Variants in SLCO1A2 observed in about 807,000 individuals in gnomAD.
SLCO1A2 encodes the protein solute carrier organic anion transporter family member 1A2.
Under a neutral mutation model 69.0 loss-of-function variants are expected in SLCO1A2, and 67 were observed. The ratio of observed to expected loss-of-function variants is 0.97; its 90% confidence interval spans 0.80 to 1.19. The LOEUF (loss-of-function observed/expected upper bound fraction) is 1.19, where lower values mean the gene tolerates loss of function less well. Among genes scored for constraint, SLCO1A2 ranks in the 50% most tolerant of loss-of-function variants. The pLI, the probability that SLCO1A2 is intolerant of heterozygous loss-of-function variation, is 0.00. For missense variants in SLCO1A2, 787 were observed against 793.7 expected, an observed-to-expected ratio of 0.99 and a Z score of 0.10; for synonymous variants, 260 against 265.9, an observed-to-expected ratio of 0.98 and a Z score of 0.22.
intron 4 of SLCO1A2, among the ~76,000 whole-genome samples, chr12:21,309,183 G>A (rs531714943): frequency 3.3e-5 from 5 of 152,086 alleles, no homozygotes; most frequent in African/African-American, 1.2e-4. Context: ...CAAAAAAGTA[G>A]GGATAAAAGA....
Position 21,267,038 on chromosome 12 carries a change from C to G in SLCO1A2, c.*2510G>C, listed in dbSNP as rs1439974901. 1 of 152,028 alleles carries G rather than the reference C, an allele frequency of 6.6e-6. No individual in the cohort carries two copies. Among genetic ancestry groups the G allele is most frequent in the African/African-American group, 2.4e-5 (1 of 41,378 alleles). 9.4% of individuals were successfully genotyped at this position (152,028 alleles called of 1,614,324 possible). A position where few individuals can be genotyped will look rare whatever the true frequency, so the allele number is the denominator to read the frequency against. On this transcript the variant is annotated 3_prime_UTR_variant, in exon 15 of 15. Transcript: ENST00000683939. ...TGTCCGCTATGCCATTATCTCTACC[C>G]TCATGAGAGTAGTACAAGTGCTCAG...
intron 8 of SLCO1A2, among the ~76,000 whole-genome samples, chr12:21,298,966 G>T (rs1948165655): frequency 1.3e-5 from 2 of 151,944 alleles, no homozygotes; most frequent in African/African-American, 4.8e-5. Flanking sequence ...GTAACTTATG[G>T]GTGATGATAG....
At chr12:21,373,462 A>G in intron 2 of SLCO1A2, 2 of 1,469,452 alleles carry the variant, frequency 1.4e-6, no homozygotes, top group Non-Finnish European at 1.9e-6. Context: ...GTTTCTTTGT[A>G]ACTTTTGTAA....
At chr12:21,289,374 G>A (rs1357797257) in intron 12 of SLCO1A2, among the ~76,000 whole-genome samples, 1 of 152,124 alleles carries the variant, frequency 6.6e-6, no homozygotes, top group Admixed American at 6.6e-5. Flanking sequence ...TGAGTCTATA[G>A]TAATGAGACG....
At chr12:21,369,458 C>T (rs1939627346) in intron 2 of SLCO1A2, among the ~76,000 whole-genome samples, 1 of 152,216 alleles carries the variant, frequency 6.6e-6, no homozygotes, top group Non-Finnish European at 1.5e-5. Context: ...TTGTCTTTCA[C>T]TCTGCACTTA....
intron 1 of SLCO1A2, among the ~76,000 whole-genome samples, chr12:21,384,165 G>T (rs1940750575): frequency 6.6e-6 from 1 of 151,874 alleles, no homozygotes; most frequent in Non-Finnish European, 1.5e-5. Flanking sequence ...TATTACAGTG[G>T]GTACTTTCTA....
At chr12:21,281,576 G>A (rs1371252476) in intron 12 of SLCO1A2, among the ~76,000 whole-genome samples, 1 of 151,864 alleles carries the variant, frequency 6.6e-6, no homozygotes, top group Admixed American at 6.6e-5. Flanking sequence ...AAATGAAATT[G>A]AAATGAAGAA....
chr12:21,274,934 A>G (rs56031203), intron 13 of SLCO1A2: 21,720 of 1,050,308 alleles, frequency 0.021, 273 homozygotes, highest in Non-Finnish European at 0.023. Context: ...TCAAACAAAG[A>G]ATAGTGTAAT....
chr12:21,272,671 A>G (rs1055986251), intron 14 of SLCO1A2, among the ~76,000 whole-genome samples: 34 of 152,040 alleles, frequency 2.2e-4, no homozygotes, highest in Non-Finnish European at 5.9e-5. Flanking sequence ...TGATCTATCT[A>G]TCTCTTACAA....
Position 21,269,270 on chromosome 12 carries a change from T to C in SLCO1A2, c.*278A>G, listed in dbSNP as rs1008286238. On this transcript the variant is annotated 3_prime_UTR_variant, in exon 15 of 15. Coordinates refer to ENST00000683939, the MANE Select transcript of SLCO1A2 (RefSeq NM_001386879.1). ...GGAGATGTAGGAAGTACACCCTTAC[T>C]TCGATGAATTAAGGGAAATTGCTGT... 7.9e-6 allele frequency: 2 copies of C among 252,384 alleles called. No homozygotes were observed. Among genetic ancestry groups the C allele is most frequent in the Non-Finnish European group, 1.5e-5 (2 of 133,004 alleles). The allele number at this position is 252,384 out of a possible 1,614,324, so 15.6% of individuals were successfully genotyped here. A position where few individuals can be genotyped will look rare whatever the true frequency, so the allele number is the denominator to read the frequency against.
chr12:21,333,806 G>T (rs1952755766), intron 2 of SLCO1A2, among the ~76,000 whole-genome samples: 1 of 151,960 alleles, frequency 6.6e-6, no homozygotes, highest in Non-Finnish European at 1.5e-5. Flanking sequence ...AGCACAAAAA[G>T]TTTTTCTTAA....
intron 13 of SLCO1A2, 150 bp downstream of exon 13, chr12:21,275,210 T>G (rs1040035489): frequency 3.7e-5 from 29 of 792,224 alleles, no homozygotes; most frequent in Admixed American, 7.7e-5. Flanking sequence ...AAATGATGAG[T>G]TAATGGGTGC....
At chr12:21,326,088 T>C (rs1163159800) in intron 2 of SLCO1A2, among the ~76,000 whole-genome samples, 1 of 152,188 alleles carries the variant, frequency 6.6e-6, no homozygotes, top group East Asian at 1.9e-4. Flanking sequence ...TCTGTGATAG[T>C]GAATAAGTCT....
In SLCO1A2 at chr12:21,390,787, T is replaced by C. The variant is rs574327939; in HGVS notation, c.-190+4119A>G. On this transcript the variant is annotated intron_variant, in intron 1 of 15. Transcript: ENST00000307378. Reference sequence around the variant, plus strand: ...TGCTGAATCCTAAAAAGATTAGATATCCACATAGCATATAAAAAAATGAGA... The same window carrying C: ...TGCTGAATCCTAAAAAGATTAGATACCCACATAGCATATAAAAAAATGAGA... Among the ~76,000 whole-genome samples the C allele has an allele frequency of 4.3e-4, 65 of 152,274 alleles. 1 individual carries two copies. The highest frequency in any genetic ancestry group is 7.8e-4 in the Non-Finnish European group (53 of 68,006).
intron 8 of SLCO1A2, among the ~76,000 whole-genome samples, chr12:21,300,099 G>A (rs1045693801): frequency 4.8e-5 from 6 of 125,196 alleles, no homozygotes; most frequent in Non-Finnish European, 1.2e-4. Context: ...AGAGAGAGAG[G>A]AGAGTGCCAA....
rs1939959895 is a variant in SLCO1A2 at position 21,373,579 on chromosome 12, T to A, written c.-63+820A>T. 3 of 709,022 alleles carry A rather than the reference T, an allele frequency of 4.2e-6. No individual in the cohort carries two copies. The South Asian group carries it at 4.4e-5, about 10-fold the overall frequency. The allele number at this position is 709,022 out of a possible 1,614,324, so 43.9% of individuals were successfully genotyped here. A position where few individuals can be genotyped will look rare whatever the true frequency, so the allele number is the denominator to read the frequency against. On this transcript the variant is annotated intron_variant, in intron 2 of 15. Transcript: ENST00000307378. ...TTCAGCTATTCCATTGTTCCTTGAA[T>A]TCTGTGTTCTTTAAAGAATAACACC...
chr12:21,407,875 G>A (rs1941847611), intron 1 of SLCO1A2, among the ~76,000 whole-genome samples: 2 of 151,764 alleles, frequency 1.3e-5, no homozygotes, highest in Admixed American at 1.3e-4. Flanking sequence ...CTGGCCAGGG[G>A]AAGGAAGAGT....
intron 12 of SLCO1A2, among the ~76,000 whole-genome samples, chr12:21,287,253 T>C (rs1363827945): frequency 8.0e-5 from 12 of 149,962 alleles, no homozygotes; most frequent in African/African-American, 3.0e-4. Flanking sequence ...AAAAAACACA[T>C]GAAAAATTGC....
At chr12:21,400,095 C>G (rs1413085099), upstream of SLCO1A2, among the ~76,000 whole-genome samples, 9 of 151,938 alleles carry the variant, frequency 5.9e-5, no homozygotes, top group Middle Eastern at 3.4e-3. Flanking sequence ...AGGCAACCTA[C>G]AAAATGGGAG....
Sources: allele counts gnomAD v4.1 joint callset (sites outside exome capture counted in the v4.1 genomes callset), GRCh38; gene constraint gnomAD v4.1.1; transcripts MANE v1.5; gene names NCBI Gene and HGNC (gene_info 2026-07-23, HGNC 2026-07-21).